Variants in NAGPA observed in about 807,000 individuals in gnomAD.
NAGPA encodes the protein alpha-N-acetylglucosaminyl phosphodiesterase.
Under a neutral mutation model 48.5 loss-of-function variants are expected in NAGPA, and 56 were observed. That is an observed-to-expected ratio of 1.15 (90% confidence interval 0.93 to 1.44). NAGPA has a LOEUF of 1.44. Among genes scored for constraint, NAGPA ranks in the 40% most tolerant of loss-of-function variants. NAGPA has a pLI of 0.00. For missense variants in NAGPA, 888 were observed against 735.0 expected (o/e 1.21, Z -2.41); for synonymous variants, 399 against 315.5 (o/e 1.26, Z -2.81).
chr16:5,030,273 A>G lies in NAGPA; in HGVS notation c.791+112T>C, dbSNP rs1360911737. The G allele has an allele frequency of 7.3e-6, 7 of 953,132 alleles. No homozygotes were observed. The Admixed American group carries it at 1.0e-4, about 14-fold the overall frequency. 59.0% of individuals were successfully genotyped at this position (953,132 alleles called of 1,614,324 possible). A position where few individuals can be genotyped will look rare whatever the true frequency, so the allele number is the denominator to read the frequency against. Reference sequence around the variant, plus strand: ...GGGGGCCCTGGGAGGGGGGACAGATAGGTGTCAACATCCCAGAAAGCAGGT... The same window carrying G: ...GGGGGCCCTGGGAGGGGGGACAGATGGGTGTCAACATCCCAGAAAGCAGGT... On this transcript the variant is annotated intron_variant, in intron 4 of 9. Coordinates refer to ENST00000312251, the MANE Select transcript of NAGPA (RefSeq NM_016256.4).
chr16:5,029,098 C>G, intron 4 of NAGPA, 90 bp from the exon 5 acceptor site: 1 of 1,591,890 alleles, frequency 6.3e-7, no homozygotes, highest in Non-Finnish European at 8.5e-7. Flanking sequence ...AGCATCACGC[C>G]CACAGTGCAG....
intron 5 of NAGPA, 139 bp downstream of exon 5, chr16:5,028,741 G>C: frequency 7.4e-7 from 1 of 1,359,888 alleles, no homozygotes; most frequent in South Asian, 1.2e-5. Context: ...CTGGCATCCT[G>C]GGGGAGGGAC....
In NAGPA at chr16:5,033,578, G is replaced by C. The variant is rs548814834; in HGVS notation, c.237C>G (p.Arg79=). 1 of 1,493,016 alleles carries C rather than the reference G, an allele frequency of 6.7e-7. No individual in the cohort carries two copies. Among genetic ancestry groups the C allele is most frequent in the Non-Finnish European group, 8.8e-7 (1 of 1,132,036 alleles). 92.5% of individuals were successfully genotyped at this position (1,493,016 alleles called of 1,614,324 possible). A position where few individuals can be genotyped will look rare whatever the true frequency, so the allele number is the denominator to read the frequency against. The change falls in exon 2 of 10, where the codon CGC becomes CGG. Residue 79 remains arginine (R), a synonymous_variant. Coordinates refer to ENST00000312251, the MANE Select transcript of NAGPA (RefSeq NM_016256.4). This position sits in a 1 kb window ranked among gnomAD's most constrained non-coding sequence, Gnocchi z 4.2. ...ATPGAGGLAV[R]TFVSHFRDRA... is the part of the protein sequence containing the mutation. ...GGTCCCTGAAGTGCGACACGAAGGTGCGCACGGCCAGACCGCCGGCGCCGG... is the reference window on the plus strand; with the variant it reads ...GGTCCCTGAAGTGCGACACGAAGGTCCGCACGGCCAGACCGCCGGCGCCGG...
At chr16:5,028,840 T>G (rs1995278) in intron 5 of NAGPA, 40 bp downstream of exon 5, 5 of 1,613,372 alleles carry the variant, frequency 3.1e-6, no homozygotes, top group Non-Finnish European at 3.4e-6. Flanking sequence ...GGGGCAGACC[T>G]GGACTTCAGC....
Position 5,033,161 on chromosome 16 carries a change from G to C in NAGPA, c.542+112C>G, listed in dbSNP as rs998387390. 10 of 1,244,418 alleles carry C rather than the reference G, an allele frequency of 8.0e-6. No homozygotes were observed. Among genetic ancestry groups the C allele is most frequent in the Non-Finnish European group, 1.1e-5 (10 of 884,862 alleles). The allele number at this position is 1,244,418 out of a possible 1,614,324, so 77.1% of individuals were successfully genotyped here. On this transcript the variant is annotated intron_variant, in intron 2 of 9. Coordinates refer to ENST00000312251, the MANE Select transcript of NAGPA (RefSeq NM_016256.4). This position sits in a 1 kb window ranked among gnomAD's most constrained non-coding sequence, Gnocchi z 4.2. ...AAGCGATTCCTATCCCCATTCTGCA[G>C]AGGAGGAAACAGGGGCTCAGCTTGG...
chr16:5,030,887 T>C, intron 3 of NAGPA: 1 of 309,860 alleles, frequency 3.2e-6, no homozygotes, highest in South Asian at 3.1e-5. Flanking sequence ...AGCTTGCTCC[T>C]TTGTCAGATC....
At chr16:5,028,531 A>C in intron 5 of NAGPA, 1 of 580,052 alleles carries the variant, frequency 1.7e-6, no homozygotes, top group Non-Finnish European at 3.1e-6. Flanking sequence ...CCCTGTGCCC[A>C]GCCCTCTCCA....
chr16:5,027,262 T>G lies in NAGPA; in HGVS notation c.1276+16A>C. ...GGAGCGTCTGCCCATACCCCTCCCC[T>G]TGGAGGGATAGGTACCTCTGGAGAC... On this transcript the variant is annotated intron_variant, in intron 8 of 9. Coordinates refer to ENST00000312251, the MANE Select transcript of NAGPA (RefSeq NM_016256.4). The G allele has an allele frequency of 2.5e-6, 4 of 1,613,546 alleles. No homozygotes were observed. Among genetic ancestry groups the G allele is most frequent in the Non-Finnish European group, 3.4e-6 (4 of 1,179,440 alleles).
Position 5,031,817 on chromosome 16 carries a change from A to C in NAGPA, c.610T>G (p.Trp204Gly). ...PFVQLLSGVV[W>G]LIRNGSIYIN... ...TAGATGCTTCCATTACGAATCAGCC[A>C]CACGACCCCACTCAGCAGCTGCACA... Residue 204 changes from tryptophan to glycine, a missense_variant, in exon 3 of 10, where the codon TGG becomes GGG. Transcript: ENST00000312251. 1.2e-6 allele frequency: 2 copies of C among 1,614,146 alleles called. No homozygotes were observed. The highest frequency in any genetic ancestry group is 1.7e-6 in the Non-Finnish European group (2 of 1,180,028).
At position 5,033,649 on chromosome 16, in the gene NAGPA, C is replaced by T. The variant is rs551231765; in HGVS notation, c.166G>A (p.Ala56Thr). The stretch of plus-strand genomic sequence containing the variant: ...CAACTCTCGTGCTCGCGGTTGCCGG[C>T]GCGCACCCGTGTGCAGTCCCGGGGG... ...RLPRDCTRVRAGNREHESWPP... is the reference protein window; with the variant it reads ...RLPRDCTRVRTGNREHESWPP... The change falls in exon 2 of 10, where the codon GCC becomes ACC. Residue 56 changes from alanine to threonine, a missense_variant. Ala to Thr is a moderately conservative substitution (Grantham distance 58, BLOSUM62 0). Coordinates refer to ENST00000312251, the MANE Select transcript of NAGPA (RefSeq NM_016256.4). The surrounding 1 kb of genome is among the most constrained non-coding windows in gnomAD (Gnocchi z 4.2). The T allele has an allele frequency of 3.2e-6, 5 of 1,546,220 alleles. No homozygotes were observed. Among genetic ancestry groups the T allele is most frequent in the African/African-American group, 1.4e-5 (1 of 71,558 alleles).
At chr16:5,031,696 C>A in intron 3 of NAGPA, 49 bp downstream of exon 3, 1 of 1,613,442 alleles carries the variant, frequency 6.2e-7, no homozygotes, top group African/African-American at 1.3e-5. Flanking sequence ...GCCCAGCCCA[C>A]TGGTCCTGGT....
chr16:5,027,454 A>C lies in NAGPA; in HGVS notation c.1175-75T>G. ...CTCCAGTGTCAGAGCCTTTCTCGAC[A>C]GGACAGGATACCTGCCCCTGCCCAT... On this transcript the variant is annotated intron_variant, in intron 7 of 9. Coordinates refer to ENST00000312251, the MANE Select transcript of NAGPA (RefSeq NM_016256.4). The C allele has an allele frequency of 2.1e-6, 3 of 1,458,430 alleles. No individual in the cohort carries two copies. The South Asian group carries it at 3.5e-5, about 17-fold the overall frequency. 90.3% of individuals were successfully genotyped at this position (1,458,430 alleles called of 1,614,324 possible). A position where few individuals can be genotyped will look rare whatever the true frequency, so the allele number is the denominator to read the frequency against.
Position 5,028,145 on chromosome 16 carries a change from C to T in NAGPA, c.961G>A (p.Val321Met), listed in dbSNP as rs779769498. ...MWRCPRQVST[V>M]VCVHEPRCQP... ...CAGCGGGGTTCGTGCACACACACCA[C>T]GGTGGACACTTGGCGGGGACAGCGC... is the stretch of plus-strand genomic sequence containing the variant. The change falls in exon 6 of 10, where the codon GTG (valine) becomes ATG (methionine). Residue 321 changes from valine (V) to methionine (M), a missense_variant. By Grantham distance (21) the Val-to-Met change is conservative. Coordinates refer to ENST00000312251, the MANE Select transcript of NAGPA (RefSeq NM_016256.4). 1.2e-5 allele frequency: 19 copies of T among 1,590,802 alleles called. No individual in the cohort carries two copies. The highest frequency in any genetic ancestry group is 6.9e-5 in the East Asian group (3 of 43,478).
intron 3 of NAGPA, chr16:5,030,739 C>G: frequency 3.6e-6 from 2 of 561,788 alleles, no homozygotes; most frequent in South Asian, 2.0e-5. Context: ...TTCCCCTGTT[C>G]TTAGAACAAA....
In NAGPA at chr16:5,025,212, G is replaced by A. The variant is rs775293291; in HGVS notation, c.*266C>T. On this transcript the variant is annotated 3_prime_UTR_variant, in exon 10 of 10. Transcript: ENST00000312251. Reference sequence around the variant, plus strand: ...TGGCAGTGCGGCAGCCCTCCCGGGGGCACGGGCTTCTCGGCAGCAGACACA... The same window carrying A: ...TGGCAGTGCGGCAGCCCTCCCGGGGACACGGGCTTCTCGGCAGCAGACACA... The A allele has an allele frequency of 3.7e-5, 20 of 538,140 alleles. No individual in the cohort carries two copies. In the Middle Eastern group the frequency reaches 1.5e-3, roughly 41 times the overall value. The allele number at this position is 538,140 out of a possible 1,614,324, so 33.3% of individuals were successfully genotyped here.
chr16:5,027,289 C>G lies in NAGPA; in HGVS notation c.1265G>C (p.Ser422Thr). The G allele has an allele frequency of 6.2e-7, 1 of 1,614,240 alleles. No individual in the cohort carries two copies. The highest frequency in any genetic ancestry group is 8.5e-7 in the Non-Finnish European group (1 of 1,180,040). ...CPCDPKTGNC[S>T]VSRVKQCLQP... is the part of the protein sequence containing the mutation. ...GGAGGGATAGGTACCTCTGGAGACGCTGCAGTTGCCAGTCTTGGGGTCACA... is the reference window on the plus strand; with the variant it reads ...GGAGGGATAGGTACCTCTGGAGACGGTGCAGTTGCCAGTCTTGGGGTCACA... The change falls in exon 8 of 10, where the codon AGC becomes ACC. Residue 422 changes from serine (S) to threonine (T), a missense_variant. Physicochemically the swap from Ser to Thr is moderately conservative, Grantham distance 58. Coordinates refer to ENST00000312251, the MANE Select transcript of NAGPA (RefSeq NM_016256.4).
chr16:5,032,061 A>C (rs1045222830), intron 2 of NAGPA, among the ~76,000 whole-genome samples, 177 bp from the exon 3 acceptor site: 1 of 152,156 alleles, frequency 6.6e-6, no homozygotes, highest in Non-Finnish European at 1.5e-5. Flanking sequence ...CCCTGTTGTC[A>C]GAGCTGAAGC....
In NAGPA at chr16:5,033,305, G is replaced by A; in HGVS notation, c.510C>T (p.Phe170=). Residue 170 remains phenylalanine, a synonymous_variant, in exon 2 of 10, where the codon TTC becomes TTT. Transcript: ENST00000312251. This position sits in a 1 kb window ranked among gnomAD's most constrained non-coding sequence, Gnocchi z 4.2. ...SSSGGLQNAQ[F]GIRRDGTLVT... is the part of the protein sequence containing the mutation. The stretch of plus-strand genomic sequence containing the variant: ...CCAGGGTCCCGTCGCGGCGGATCCC[G>A]AACTGCGCGTTCTGCAGCCCCCCGG... 1.3e-6 allele frequency: 2 copies of A among 1,596,710 alleles called. No homozygotes were observed. The highest frequency in any genetic ancestry group is 1.7e-6 in the Non-Finnish European group (2 of 1,179,202).
chr16:5,031,673 TAAG>T (rs1188533716), intron 3 of NAGPA, 69 bp downstream of exon 3: 18 of 1,600,278 alleles, frequency 1.1e-5, no homozygotes, highest in Admixed American at 1.7e-5. Flanking sequence ...TTGAAAGACT[TAAG>T]AACAGCTCCG....
Sources: allele counts gnomAD v4.1 joint callset (sites outside exome capture counted in the v4.1 genomes callset), GRCh38; gene constraint gnomAD v4.1.1; non-coding constraint Gnocchi (gnomAD v3.1); transcripts MANE v1.5; gene names NCBI Gene and HGNC (gene_info 2026-07-23, HGNC 2026-07-21).